The following FAM161A variants were observed in gnomAD, a reference collection of about 807,000 sequenced individuals.
FAM161A encodes the protein FAM161 centrosomal protein A.
A neutral mutation model predicts 70.9 loss-of-function variants in FAM161A; 57 were observed. The ratio of observed to expected loss-of-function variants is 0.80; its 90% CI spans 0.65 to 1.00. The LOEUF is 1.00. FAM161A is among the 50% of genes least tolerant of loss of function. The pLI is 0.00. For synonymous variants in FAM161A, 299 were observed against 295.7 expected (o/e 1.01, Z -0.12); for missense variants, 880 against 836.0 (o/e 1.05, Z -0.65).
intron 4 of FAM161A, chr2:61,836,990 G>C (rs966562609): frequency 1.9e-5 from 3 of 154,550 alleles, no homozygotes; most frequent in African/African-American, 7.2e-5. Flanking sequence ...CTTAGCTCTC[G>C]AGTAGGTGGA....
intron 1 of FAM161A, among the ~76,000 whole-genome samples, chr2:61,853,489 A>G (rs1387310786): frequency 6.6e-6 from 1 of 152,182 alleles, no homozygotes; most frequent in East Asian, 1.9e-4. Flanking sequence ...ATAACGAAAC[A>G]CACCTGACAG....
chr2:61,811,626 G>C, the FAM161A span, among the ~76,000 whole-genome samples: 1 of 152,038 alleles, frequency 6.6e-6, no homozygotes, highest in Non-Finnish European at 1.5e-5. Context: ...GCCTACCTCG[G>C]CCTCCCAAAG....
rs777319845 is a variant in FAM161A, at chr2:61,838,707, T to G, written c.1584-2A>C. 1 of 1,598,122 alleles carries G rather than the reference T, an allele frequency of 6.3e-7. No homozygotes were observed. The highest frequency in any genetic ancestry group is 1.7e-5 in the Admixed American group (1 of 57,678). On this transcript the variant is annotated splice_acceptor_variant, in intron 3 of 6. Coordinates refer to ENST00000404929, the MANE Select transcript of FAM161A (RefSeq NM_001201543.2). LOFTEE classifies it high-confidence loss of function. Reference sequence around the variant, plus strand: ...ATTTTCTTTTCCTCAAGTGATCTCCTGAGGGTAACAAACTAAGGCTTAATC... The same window carrying G: ...ATTTTCTTTTCCTCAAGTGATCTCCGGAGGGTAACAAACTAAGGCTTAATC...
chr2:61,820,683 T>C (rs1236884094), downstream of FAM161A: 1 of 424,250 alleles, frequency 2.4e-6, no homozygotes, highest in African/African-American at 2.0e-5. Flanking sequence ...GGAAAGTTTT[T>C]ATCATTTAAA....
At chr2:61,802,472 C>T in the FAM161A span, among the ~76,000 whole-genome samples, 2 of 152,276 alleles carry the variant, frequency 1.3e-5, no homozygotes, top group East Asian at 1.9e-4. Context: ...TCTATTAAAA[C>T]AGGGATGATG....
At chr2:61,822,559 G>C (rs1672224332), downstream of FAM161A, among the ~76,000 whole-genome samples, 1 of 152,052 alleles carries the variant, frequency 6.6e-6, no homozygotes, top group Non-Finnish European at 1.5e-5. Context: ...ATTTTTCTTT[G>C]AAGCAATGAG....
chr2:61,818,982 C>T, the FAM161A span, among the ~76,000 whole-genome samples: 1 of 152,160 alleles, frequency 6.6e-6, no homozygotes, highest in Admixed American at 6.5e-5. Flanking sequence ...TTCTGTGCCT[C>T]CCCACTTAAT....
intron 1 of FAM161A, among the ~76,000 whole-genome samples, chr2:61,848,217 G>T (rs1673300429): frequency 6.6e-6 from 1 of 152,172 alleles, no homozygotes; most frequent in Non-Finnish European, 1.5e-5. Flanking sequence ...ATAGAAGAAT[G>T]AGTAGCTTCT....
intron 5 of FAM161A, among the ~76,000 whole-genome samples, chr2:61,829,096 C>G (rs975348534): frequency 3.9e-5 from 6 of 152,110 alleles, no homozygotes; most frequent in Non-Finnish European, 7.4e-5. Flanking sequence ...CAGTCTAACC[C>G]CCATATTTAA....
At chr2:61,838,884 A>ATT (rs749935817) in intron 3 of FAM161A, among the ~76,000 whole-genome samples, 179 bp from the exon 4 acceptor site, 9 of 133,688 alleles carry the variant, frequency 6.7e-5, no homozygotes, top group African/African-American at 2.2e-4. Context: ...TTATTTATTT[A>ATT]TTTATTTATT....
chr2:61,814,557 A>G, the FAM161A span, among the ~76,000 whole-genome samples: 1 of 152,198 alleles, frequency 6.6e-6, no homozygotes, highest in Non-Finnish European at 1.5e-5. Flanking sequence ...TCTACAAAAA[A>G]TACAAAAATT....
chr2:61,846,064 C>T (rs576753266), intron 1 of FAM161A, among the ~76,000 whole-genome samples: 134 of 121,070 alleles, frequency 1.1e-3, no homozygotes, highest in East Asian at 2.8e-3. Context: ...ACTATAGCTT[C>T]GGCGATCAAG....
Position 61,839,365 on chromosome 2 carries a change from T to C in FAM161A, c.1583+56A>G, listed in dbSNP as rs1290184503. The C allele has an allele frequency of 7.3e-6, 11 of 1,504,462 alleles. No homozygotes were observed. In the Admixed American group the frequency reaches 8.4e-5, roughly 11 times the overall value. The allele number at this position is 1,504,462 out of a possible 1,614,324, so 93.2% of individuals were successfully genotyped here. On this transcript the variant is annotated intron_variant, in intron 3 of 6. Coordinates refer to ENST00000404929, the MANE Select transcript of FAM161A (RefSeq NM_001201543.2). ...TTTACCAACATAAACTCCACAGAGC[T>C]GCATACACTCATCTGGCAACCATGA...
In FAM161A at chr2:61,839,924, A is replaced by G; in HGVS notation, c.1080T>C (p.Ile360=). 1.2e-6 allele frequency: 2 copies of G among 1,614,160 alleles called. No homozygotes were observed. Among genetic ancestry groups the G allele is most frequent in the Non-Finnish European group, 1.7e-6 (2 of 1,180,038 alleles). Residue 360 remains isoleucine (I), a synonymous_variant, in exon 3 of 7, where the codon ATT becomes ATC. Transcript: ENST00000404929. ...TAGTTGAACCATAAGTAGATCGAGG[A>G]ATGGGTCTGGCTTTAAATCGATTTG... The part of the protein sequence containing the change: ...KKTNRFKARP[I]PRSTYGSTTN...
downstream of FAM161A, among the ~76,000 whole-genome samples, chr2:61,823,362 CATATATATAT>C (rs59631970): frequency 3.5e-4 from 42 of 119,746 alleles, 1 homozygote; most frequent in South Asian, 7.8e-4. Context: ...AATTTTCCAT[CATATATATAT>C]ATATATATAT....
downstream of FAM161A, among the ~76,000 whole-genome samples, chr2:61,823,386 T>TATATATATATA (rs1558470704): frequency 5.2e-5 from 7 of 135,138 alleles, no homozygotes; most frequent in African/African-American, 8.2e-5. Context: ...TATATATATA[T>TATATATATATA]TGAGTCAGGG....
chr2:61,842,093 C>G lies in FAM161A; in HGVS notation c.422+29G>C, dbSNP rs560605219. ...TTAAGGATACATTTTATTTTATACT[C>G]CACAAATAACATTGAGTTACAAGCT... On this transcript the variant is annotated intron_variant, in intron 2 of 6. Coordinates refer to ENST00000404929, the MANE Select transcript of FAM161A (RefSeq NM_001201543.2). 2.2e-4 allele frequency: 283 copies of G among 1,310,176 alleles called. 5 individuals are homozygous for G. The South Asian group carries it at 2.8e-3, about 13-fold the overall frequency. The allele number at this position is 1,310,176 out of a possible 1,614,324, so 81.2% of individuals were successfully genotyped here.
chr2:61,828,823 G>A (rs1672469995), intron 5 of FAM161A, among the ~76,000 whole-genome samples: 1 of 152,128 alleles, frequency 6.6e-6, no homozygotes, highest in Non-Finnish European at 1.5e-5. Context: ...AGATCTGTTG[G>A]AATTGTGATG....
the FAM161A span, among the ~76,000 whole-genome samples, chr2:61,805,795 C>T: frequency 6.6e-6 from 1 of 151,946 alleles, no homozygotes; most frequent in African/African-American, 2.4e-5. Context: ...AGGTTCTGGG[C>T]AATGCAAAAA....
Sources: allele counts gnomAD v4.1 joint callset (sites outside exome capture counted in the v4.1 genomes callset), GRCh38; gene constraint gnomAD v4.1.1; transcripts MANE v1.5; gene names NCBI Gene and HGNC (gene_info 2026-07-23, HGNC 2026-07-21).